The following NFATC2 variants were observed in gnomAD, a reference collection of about 807,000 sequenced individuals.
The protein encoded by NFATC2 is nuclear factor of activated T cells 2.
Under a neutral mutation model 87.3 loss-of-function variants are expected in NFATC2, and 22 were observed. That is an observed-to-expected ratio of 0.25 (90% CI 0.18 to 0.36). NFATC2 has a LOEUF of 0.36. NFATC2 is among the 10% of genes least tolerant of loss of function. NFATC2 has a pLI of 1.00. For missense variants in NFATC2, 1,149 were observed against 1,259.1 expected, an observed-to-expected ratio of 0.91 and a Z score of 1.32; for synonymous variants, 565 against 542.2, an observed-to-expected ratio of 1.04 and a Z score of -0.58.
At position 51,391,368 on chromosome 20, in the gene NFATC2, A is replaced by C. The variant is rs571548850; in HGVS notation, c.*128T>G. ...TGGAGGGCTCCGAGGGGTCAGATAC[A>C]GAAGGTGTCTTGCTATAATGGCTTC... On this transcript the variant is annotated 3_prime_UTR_variant, in exon 11 of 11. Coordinates refer to ENST00000371564, the MANE Select transcript of NFATC2 (RefSeq NM_012340.5). 6.4e-7 allele frequency: 1 copy of C among 1,556,900 alleles called. No individual in the cohort carries two copies. The highest frequency in any genetic ancestry group is 8.7e-7 in the Non-Finnish European group (1 of 1,143,246).
chr20:51,523,209 G>A lies in NFATC2; in HGVS notation c.1032C>T (p.His344=), dbSNP rs777915448. Residue 344 remains histidine, a synonymous_variant, in exon 2 of 11, where the codon CAC becomes CAT. Coordinates refer to ENST00000371564, the MANE Select transcript of NFATC2 (RefSeq NM_012340.5). The surrounding 1 kb of genome is among the most constrained non-coding windows in gnomAD (Gnocchi z 6.9). ...AAPSKAGLPR[H]IYPAVEFLGP... is the part of the protein sequence containing the mutation. ...CCAGGAACTCCACGGCCGGGTAGAT[G>A]TGGCGAGGCAGGCCGGCCTTGGATG... 8 of 1,613,926 alleles carry A rather than the reference G, an allele frequency of 5.0e-6. No individual in the cohort carries two copies. Among genetic ancestry groups the A allele is most frequent in the African/African-American group, 1.3e-5 (1 of 74,952 alleles).
chr20:51,450,674 C>T (rs570720024), intron 6 of NFATC2, among the ~76,000 whole-genome samples: 1 of 152,284 alleles, frequency 6.6e-6, no homozygotes, highest in East Asian at 1.9e-4. Context: ...GTGGACGAGT[C>T]CCCTGGATTC....
At position 51,523,111 on chromosome 20, in the gene NFATC2, T is replaced by G. The variant is rs1270708037; in HGVS notation, c.1130A>C (p.Lys377Thr). Reference sequence around the variant, plus strand: ...GATGGGAATGGCAGGCACCAGCGGCTTGGGCCAAGTGGGCGGAACCAGCAG... The same window carrying G: ...GATGGGAATGGCAGGCACCAGCGGCGTGGGCCAAGTGGGCGGAACCAGCAG... The part of the protein sequence containing the change: ...SILLVPPTWP[K>T]PLVPAIPICS... Residue 377 changes from lysine (K) to threonine (T), a missense_variant, in exon 2 of 11, where the codon AAG (lysine) becomes ACG (threonine). By Grantham distance (78) the Lys-to-Thr change is moderately conservative. Transcript: ENST00000371564. The surrounding 1 kb of genome is among the most constrained non-coding windows in gnomAD (Gnocchi z 6.9). 5 of 1,614,116 alleles carry G rather than the reference T, an allele frequency of 3.1e-6. No individual in the cohort carries two copies. The African/African-American group carries it at 6.7e-5, about 22-fold the overall frequency.
chr20:51,493,082 GAGA>G (rs1471403871), intron 3 of NFATC2, among the ~76,000 whole-genome samples: 1 of 152,316 alleles, frequency 6.6e-6, no homozygotes, highest in African/African-American at 2.4e-5. Context: ...AGGAAACCAG[GAGA>G]AGAAGATTCC....
At chr20:51,419,694 G>A (rs1309631341) in intron 9 of NFATC2, among the ~76,000 whole-genome samples, 1 of 152,130 alleles carries the variant, frequency 6.6e-6, no homozygotes, top group African/African-American at 2.4e-5. Context: ...CCCCTGCCTT[G>A]CAAGCACTAA....
At chr20:51,543,026 C>T (rs1303528773), upstream of NFATC2, among the ~76,000 whole-genome samples, 3 of 152,146 alleles carry the variant, frequency 2.0e-5, no homozygotes, top group Non-Finnish European at 4.4e-5. Context: ...CTAAGGGACC[C>T]ACTGGCCCCA....
chr20:51,488,278 CAT>C (rs147270628), intron 3 of NFATC2, among the ~76,000 whole-genome samples: 1,632 of 152,324 alleles, frequency 0.011, 31 homozygotes, highest in African/African-American at 0.037. Flanking sequence ...TGGATGGTAA[CAT>C]GTGGGATTAT....
intron 6 of NFATC2, among the ~76,000 whole-genome samples, chr20:51,441,607 C>G (rs1412833576): frequency 6.7e-6 from 1 of 149,484 alleles, no homozygotes; most frequent in East Asian, 2.0e-4. Context: ...ATCCTAGCTA[C>G]TTGGGAGGCT....
intron 5 of NFATC2, among the ~76,000 whole-genome samples, chr20:51,468,434 G>T (rs1457884772): frequency 6.6e-6 from 1 of 152,188 alleles, no homozygotes; most frequent in Non-Finnish European, 1.5e-5. Flanking sequence ...TGAGCAAAGC[G>T]AATTTACATT....
intron 9 of NFATC2, among the ~76,000 whole-genome samples, chr20:51,408,008 C>T (rs1978593209): frequency 6.6e-6 from 1 of 152,184 alleles, no homozygotes; most frequent in East Asian, 1.9e-4. Context: ...AACCAAAGTC[C>T]TCTGTGGCCC....
intron 3 of NFATC2, among the ~76,000 whole-genome samples, chr20:51,493,857 T>C (rs1253555748): frequency 6.6e-6 from 1 of 152,116 alleles, no homozygotes; most frequent in Non-Finnish European, 1.5e-5. Context: ...GTGACACCCT[T>C]GACCATCAGC....
chr20:51,434,918 T>C (rs1441178426), intron 8 of NFATC2, among the ~76,000 whole-genome samples: 1 of 152,162 alleles, frequency 6.6e-6, no homozygotes, highest in African/African-American at 2.4e-5. Flanking sequence ...ACCCTTCTTC[T>C]ATTCCCCCTT....
At chr20:51,507,090 A>G (rs1163212544) in intron 3 of NFATC2, among the ~76,000 whole-genome samples, 1 of 152,158 alleles carries the variant, frequency 6.6e-6, no homozygotes, top group Non-Finnish European at 1.5e-5. Context: ...ATTGTACCCC[A>G]TGCCTGGGGC....
chr20:51,442,702 AGTTT>A (rs1343766583), intron 6 of NFATC2, among the ~76,000 whole-genome samples: 1 of 125,898 alleles, frequency 7.9e-6, no homozygotes, highest in African/African-American at 3.1e-5. Flanking sequence ...TTTTAAATAA[AGTTT>A]GTTTTTTTTT....
chr20:51,550,312 C>T (rs1466488549), intron 1 of NFATC2, among the ~76,000 whole-genome samples: 1 of 152,132 alleles, frequency 6.6e-6, no homozygotes, highest in Non-Finnish European at 1.5e-5. Flanking sequence ...ATAGGCCAAG[C>T]ACGGTGGCTC....
chr20:51,523,842 C>G lies in NFATC2; in HGVS notation c.399G>C (p.Ala133=), dbSNP rs369099315. The G allele has an allele frequency of 6.8e-6, 11 of 1,610,594 alleles. No homozygotes were observed. Among genetic ancestry groups the G allele is most frequent in the Admixed American group, 1.7e-5 (1 of 59,498 alleles). Residue 133 remains alanine, a synonymous_variant, in exon 2 of 11, where the codon GCG becomes GCC. Transcript: ENST00000371564. The surrounding 1 kb of genome is among the most constrained non-coding windows in gnomAD (Gnocchi z 6.9). ...QAVGPLRMRD[A]GLLVEQPPLA... Reference sequence around the variant, plus strand: ...GGGGCGGCTGCTCCACCAGGAGGCCCGCGTCTCTCATGCGGAGGGGCCCCA... The same window carrying G: ...GGGGCGGCTGCTCCACCAGGAGGCCGGCGTCTCTCATGCGGAGGGGCCCCA...
chr20:51,473,191 A>G (rs534128863), intron 5 of NFATC2, among the ~76,000 whole-genome samples: 11 of 152,306 alleles, frequency 7.2e-5, no homozygotes, highest in African/African-American at 2.4e-4. Context: ...GCAATGATAC[A>G]ACCATCTGTC....
chr20:51,562,572 A>C lies in NFATC2; in HGVS notation c.58T>G (p.Ser20Ala). The C allele has an allele frequency of 6.4e-7, 1 of 1,550,932 alleles. No homozygotes were observed. ...GAGAGTCAGTTACCTTGGTCCACAG[A>C]CCCCATGATGCGGAGGGGATGGCAG... The change falls in exon 1 of 11, where the codon TCT becomes GCT. Residue 20 changes from serine to alanine, a missense_variant. Physicochemically the swap from Ser to Ala is moderately conservative, Grantham distance 99 (BLOSUM62 1). Transcript: ENST00000414705. This position sits in a 1 kb window ranked among gnomAD's most constrained non-coding sequence, Gnocchi z 5.8.
intron 6 of NFATC2, among the ~76,000 whole-genome samples, chr20:51,446,107 C>T (rs1282624384): frequency 1.3e-5 from 2 of 152,150 alleles, no homozygotes; most frequent in African/African-American, 2.4e-5. Flanking sequence ...CTTCCCCATC[C>T]GTAAAATGGG....
Sources: allele counts gnomAD v4.1 joint callset (sites outside exome capture counted in the v4.1 genomes callset), GRCh38; gene constraint gnomAD v4.1.1; non-coding constraint Gnocchi (gnomAD v3.1); transcripts MANE v1.5; gene names NCBI Gene and HGNC (gene_info 2026-07-23, HGNC 2026-07-21).